Variants in PPP1R1C observed in about 807,000 individuals in gnomAD.
The protein encoded by PPP1R1C is protein phosphatase 1 regulatory inhibitor subunit 1C.
PPP1R1C carries 15 observed loss-of-function variants against 17.4 expected under a neutral mutation model. The observed-to-expected ratio is 0.86, with a 90% CI of 0.58 to 1.33. PPP1R1C has a LOEUF of 1.33. Among genes scored for constraint, PPP1R1C ranks in the 40% most tolerant of loss-of-function variants. The probability of loss-of-function intolerance (pLI) is 0.00; values close to 1 mark genes in which losing one functional copy is unlikely to be tolerated. For missense variants in PPP1R1C, 143 were observed against 130.0 expected (o/e 1.10, Z -0.48); for synonymous variants, 35 against 43.1 (o/e 0.81, Z 0.73).
intron 4 of PPP1R1C, among the ~76,000 whole-genome samples, chr2:182,113,273 C>T (rs937082234): frequency 3.9e-5 from 6 of 152,174 alleles, no homozygotes; most frequent in African/African-American, 9.7e-5. Context: ...TCTATTTCTG[C>T]TCTTGGAAGC....
At chr2:182,068,141 G>T (rs1184415776) in intron 4 of PPP1R1C, among the ~76,000 whole-genome samples, 1 of 152,064 alleles carries the variant, frequency 6.6e-6, no homozygotes, top group Non-Finnish European at 1.5e-5. Context: ...ACAAAAAAGT[G>T]ATTTCATCCT....
intron 2 of PPP1R1C, among the ~76,000 whole-genome samples, chr2:182,049,659 T>C (rs1056510206): frequency 4.6e-5 from 7 of 152,080 alleles, no homozygotes; most frequent in Non-Finnish European, 1.0e-4. Context: ...TGAGGCAAAA[T>C]AGGAAACTGA....
intron 2 of PPP1R1C, among the ~76,000 whole-genome samples, chr2:182,025,271 A>G (rs1283173929): frequency 6.9e-6 from 1 of 145,470 alleles, no homozygotes; most frequent in African/African-American, 2.5e-5. Context: ...GGTTAGTTAC[A>G]TATGTATACA....
At chr2:182,097,331 C>A (rs1346766444) in intron 4 of PPP1R1C, among the ~76,000 whole-genome samples, 1 of 152,158 alleles carries the variant, frequency 6.6e-6, no homozygotes, top group Non-Finnish European at 1.5e-5. Context: ...CAGACTCACT[C>A]CTGAACACAT....
chr2:182,123,396 T>A (rs929658600), intron 5 of PPP1R1C, among the ~76,000 whole-genome samples: 3 of 152,198 alleles, frequency 2.0e-5, no homozygotes, highest in Admixed American at 1.3e-4. Flanking sequence ...TCAAATGGTA[T>A]TTCTGGTTCT....
intron 2 of PPP1R1C, among the ~76,000 whole-genome samples, chr2:182,014,299 G>C (rs1345362741): frequency 2.0e-5 from 3 of 152,186 alleles, no homozygotes; most frequent in Non-Finnish European, 4.4e-5. Flanking sequence ...AAGACTCATA[G>C]AGGTACTGCC....
chr2:182,040,043 C>A (rs1169744923), intron 2 of PPP1R1C, among the ~76,000 whole-genome samples: 1 of 152,148 alleles, frequency 6.6e-6, no homozygotes, highest in Non-Finnish European at 1.5e-5. Flanking sequence ...TTTTCTTCAT[C>A]CACTCATTAG....
chr2:181,970,124 T>A (rs777284457), intron 1 of PPP1R1C, among the ~76,000 whole-genome samples: 3 of 151,706 alleles, frequency 2.0e-5, no homozygotes, highest in Non-Finnish European at 4.4e-5. Flanking sequence ...TGGTGTCTTG[T>A]GCCTTATTTA....
At chr2:182,062,197 A>C (rs980173269) in intron 3 of PPP1R1C, among the ~76,000 whole-genome samples, 3 of 152,108 alleles carry the variant, frequency 2.0e-5, no homozygotes, top group African/African-American at 7.2e-5. Context: ...TTAAAGAGAA[A>C]AATGTAGAAT....
upstream of PPP1R1C, among the ~76,000 whole-genome samples, chr2:181,984,316 A>G (rs1319914875): frequency 1.3e-5 from 2 of 152,210 alleles, no homozygotes; most frequent in Non-Finnish European, 1.5e-5. Flanking sequence ...TGCCAAGTGC[A>G]TGTTCTTAAT....
At chr2:182,075,811 A>T (rs554183138) in intron 4 of PPP1R1C, among the ~76,000 whole-genome samples, 1 of 151,744 alleles carries the variant, frequency 6.6e-6, no homozygotes, top group African/African-American at 2.4e-5. Flanking sequence ...CAAATTTTGG[A>T]GTTTCCTTTT....
exon 6 of PPP1R1C, chr2:182,129,308 T>G (rs1196053): frequency 1.2e-3 from 182 of 152,274 alleles, no homozygotes; most frequent in African/African-American, 4.2e-3. Flanking sequence ...TTTTTAGTTT[T>G]TCTAATTCTG....
chr2:181,974,180 C>A (rs544091588), intron 1 of PPP1R1C, among the ~76,000 whole-genome samples: 1 of 152,198 alleles, frequency 6.6e-6, no homozygotes, highest in African/African-American at 2.4e-5. Flanking sequence ...GAACCAATAT[C>A]TAGAGTTGAC....
At chr2:182,086,358 A>G (rs74872962) in intron 4 of PPP1R1C, among the ~76,000 whole-genome samples, 5,855 of 152,160 alleles carry the variant, frequency 0.038, 372 homozygotes, top group African/African-American at 0.13. Flanking sequence ...GCAATCTACC[A>G]ATTTTGAATT....
intron 2 of PPP1R1C, among the ~76,000 whole-genome samples, chr2:181,999,415 A>G (rs188166939): frequency 6.6e-6 from 1 of 152,300 alleles, no homozygotes; most frequent in East Asian, 1.9e-4. Flanking sequence ...TGAGCTGTTC[A>G]AGGTCAAAAG....
rs1684810100 is a variant in PPP1R1C, at chr2:181,962,136, G to A, written n.111+7502G>A. 1.4e-6 allele frequency: 1 copy of A among 730,752 alleles called. No homozygotes were observed. The highest frequency in any genetic ancestry group is 2.5e-6 in the Non-Finnish European group (1 of 397,890). The allele number at this position is 730,752 out of a possible 1,614,324, so 45.3% of individuals were successfully genotyped here. On this transcript the variant is annotated intron_variant and non_coding_transcript_variant, in intron 1 of 5. Transcript: ENST00000464264. The surrounding 1 kb of genome is among the most constrained non-coding windows in gnomAD (Gnocchi z 6.0). ...ACCTGGAGTCCCTTCTTCTCCAGGT[G>A]CTCCCGGATTTTGCTCTCCAGCTTC...
chr2:182,014,405 T>A (rs1344026011), intron 2 of PPP1R1C, among the ~76,000 whole-genome samples: 1 of 152,126 alleles, frequency 6.6e-6, no homozygotes, highest in Non-Finnish European at 1.5e-5. Context: ...ACAGAATCTC[T>A]CTCTCTCTGT....
downstream of PPP1R1C, among the ~76,000 whole-genome samples, chr2:182,121,984 ACTTCT>A (rs1402569798): frequency 6.6e-6 from 1 of 151,840 alleles, no homozygotes; most frequent in Non-Finnish European, 1.5e-5. Context: ...TTCCTCCCAA[ACTTCT>A]CTTCTCCTCC....
intron 4 of PPP1R1C, among the ~76,000 whole-genome samples, chr2:182,112,912 T>A (rs1689482567): frequency 6.6e-6 from 1 of 152,228 alleles, no homozygotes; most frequent in South Asian, 2.1e-4. Flanking sequence ...CTACTCCCTA[T>A]GTGAATTAGT....
Sources: gnomAD v4.1 joint callset for allele counts (sites outside exome capture counted in the v4.1 genomes callset) on GRCh38, gnomAD v4.1.1 for gene constraint, Gnocchi (gnomAD v3.1) non-coding constraint, MANE v1.5 for transcripts, NCBI Gene and HGNC (gene_info 2026-07-23, HGNC 2026-07-21) for gene names.